The following COL4A4 variants were observed in gnomAD, a reference collection of about 807,000 sequenced individuals.
COL4A4 encodes collagen type IV alpha 4 chain, also known as collagen alpha-4(IV) chain.
COL4A4 carries 105 observed loss-of-function variants against 192.9 expected under a neutral mutation model. The ratio of observed to expected loss-of-function variants is 0.54; its 90% CI spans 0.46 to 0.64. The LOEUF is 0.64. Ranked by LOEUF, COL4A4 falls within the 30% of genes least tolerant of loss-of-function variation. COL4A4 has a pLI of 0.00. For missense variants in COL4A4, 1,967 were observed against 2,169.3 expected (o/e 0.91, Z 1.85); for synonymous variants, 762 against 769.9 (o/e 0.99, Z 0.17).
intron 37 of COL4A4, among the ~76,000 whole-genome samples, chr2:227,039,084 T>G (rs146902881): frequency 3.3e-5 from 5 of 152,340 alleles, no homozygotes; most frequent in African/African-American, 1.2e-4. Flanking sequence ...ACACACTATT[T>G]CATAGCACGG....
At chr2:226,993,807 T>C in the COL4A4 span, among the ~76,000 whole-genome samples, 1 of 152,244 alleles carries the variant, frequency 6.6e-6, no homozygotes, top group Non-Finnish European at 1.5e-5. Context: ...AGCTGTGGAT[T>C]GAAAAGACGG....
intron 35 of COL4A4, among the ~76,000 whole-genome samples, chr2:227,045,801 CATATAT>C (rs771258452): frequency 0.11 from 5,578 of 51,258 alleles, 1,152 homozygotes; most frequent in South Asian, 0.21. Context: ...TATATATACA[CATATAT>C]ATATATATAC....
chr2:227,048,260 A>G (rs1360671164), intron 34 of COL4A4, among the ~76,000 whole-genome samples: 2 of 152,190 alleles, frequency 1.3e-5, no homozygotes, highest in Non-Finnish European at 2.9e-5. Context: ...ACTCCTTTCT[A>G]AAGGAGTTCC....
chr2:227,147,591 GATATAA>G lies in COL4A4; in HGVS notation c.-101-13_-101-8del. The G allele has an allele frequency of 5.6e-6, 5 of 885,462 alleles. No homozygotes were observed. The highest frequency in any genetic ancestry group is 4.9e-5 in the East Asian group (2 of 40,980). 54.9% of individuals were successfully genotyped at this position (885,462 alleles called of 1,614,324 possible). ...TCTGGGTCAAAGTCTGTTCCTGTTA[GATATAA>G]ATATATCACTTAAAACACAGCATGC... On this transcript the variant is annotated splice_polypyrimidine_tract_variant and splice_region_variant and intron_variant, in intron 1 of 47. Transcript: ENST00000396625.
rs1177457103 is a variant in COL4A4, at chr2:227,123,131, G to T, written c.193-1983C>A. Among the ~76,000 whole-genome samples, 1 of 152,174 alleles carries T rather than the reference G, an allele frequency of 6.6e-6. No individual in the cohort carries two copies. Among genetic ancestry groups the T allele is most frequent in the Non-Finnish European group, 1.5e-5 (1 of 68,028 alleles). On this transcript the variant is annotated intron_variant, in intron 4 of 47. Coordinates refer to ENST00000396625, the MANE Select transcript of COL4A4 (RefSeq NM_000092.5). This position sits in a 1 kb window ranked among gnomAD's most constrained non-coding sequence, Gnocchi z 4.6. ...CCGCTTGCCTTCAGCTTCCCAAAGTGCTGGAATTACAGGTGTAAGCCACCA... is the reference window on the plus strand; with the variant it reads ...CCGCTTGCCTTCAGCTTCCCAAAGTTCTGGAATTACAGGTGTAAGCCACCA...
chr2:226,979,147 G>C, the COL4A4 span, among the ~76,000 whole-genome samples: 1 of 152,162 alleles, frequency 6.6e-6, no homozygotes, highest in Non-Finnish European at 1.5e-5. Flanking sequence ...GCAGCCGTCA[G>C]TCTGAGGCCC....
intron 8 of COL4A4, among the ~76,000 whole-genome samples, chr2:227,112,737 C>T (rs1390511102): frequency 1.3e-5 from 2 of 152,206 alleles, no homozygotes; most frequent in African/African-American, 2.4e-5. Flanking sequence ...ATCCCTCTTC[C>T]CTGCAGCCAC....
the COL4A4 span, chr2:226,995,790 A>C: frequency 2.2e-6 from 1 of 456,368 alleles, no homozygotes; most frequent in South Asian, 3.7e-5. Flanking sequence ...CCCATCTCTC[A>C]CTGCTGACTC....
rs1336148521 is a variant in COL4A4, at chr2:227,032,194, G to A, written c.3660C>T (p.Ile1220=). 1.6e-5 allele frequency: 26 copies of A among 1,614,196 alleles called. No homozygotes were observed. Among genetic ancestry groups the A allele is most frequent in the Non-Finnish European group, 2.2e-5 (26 of 1,180,004 alleles). ...GERGDPGSPG[I]SPPGPRGKKG... is the part of the protein sequence containing the mutation. ...TCTTTCCACGAGGACCTGGAGGAGAGATTCCTGGGCTCCCAGGGTCTCCTC... is the reference window on the plus strand; with the variant it reads ...TCTTTCCACGAGGACCTGGAGGAGAAATTCCTGGGCTCCCAGGGTCTCCTC... Residue 1220 remains isoleucine (I), a synonymous_variant, in exon 39 of 48, where the codon ATC becomes ATT. Coordinates refer to ENST00000396625, the MANE Select transcript of COL4A4 (RefSeq NM_000092.5).
rs150596815 is a variant in COL4A4 at position 227,083,952 on chromosome 2, A to G, written c.1624-1765T>C. ...ACAACAGACATAAAAACTCAAATGG[A>G]CAACAGGGTTGGAAGCCATTTCATG... On this transcript the variant is annotated intron_variant, in intron 22 of 47. Transcript: ENST00000396625. Among the ~76,000 whole-genome samples, 142 of 152,330 alleles carry G rather than the reference A, an allele frequency of 9.3e-4. 2 individuals carry two copies. In the East Asian group the frequency reaches 0.022, roughly 24 times the overall value.
At chr2:226,972,207 C>T in the COL4A4 span, among the ~76,000 whole-genome samples, 1 of 152,158 alleles carries the variant, frequency 6.6e-6, no homozygotes, top group Non-Finnish European at 1.5e-5. Flanking sequence ...TGTTAGTTTG[C>T]TGAGAATGAT....
chr2:227,122,188 T>A (rs1166221383), intron 4 of COL4A4, among the ~76,000 whole-genome samples: 1 of 152,180 alleles, frequency 6.6e-6, no homozygotes, highest in African/African-American at 2.4e-5. Context: ...GGTCTGGGCC[T>A]GGCCAAGGCC....
chr2:226,980,350 A>C, the COL4A4 span, among the ~76,000 whole-genome samples: 1 of 152,284 alleles, frequency 6.6e-6, no homozygotes, highest in African/African-American at 2.4e-5. Context: ...CAGCTTTGTA[A>C]GACACCGGTA....
rs183421243 is a variant in COL4A4 at position 227,054,754 on chromosome 2, A to G, written c.2717-17T>C. On this transcript the variant is annotated splice_polypyrimidine_tract_variant and intron_variant, in intron 30 of 47. Transcript: ENST00000396625. ...CCCGGGGTCCTGGTGAAATGAGAGC[A>G]TAAAGTTTTAGGAAAATATTTTATT... 246 of 1,610,754 alleles carry G rather than the reference A, an allele frequency of 1.5e-4. 1 individual carries two copies. The East Asian group carries it at 1.9e-3, about 12-fold the overall frequency.
intron 1 of COL4A4, among the ~76,000 whole-genome samples, chr2:227,150,030 A>G (rs2063822553): frequency 6.6e-6 from 1 of 152,182 alleles, no homozygotes; most frequent in East Asian, 1.9e-4. Flanking sequence ...GTCTTTTTTT[A>G]TTCACAGATG....
chr2:227,133,201 T>C (rs180869503), intron 4 of COL4A4, among the ~76,000 whole-genome samples: 2 of 152,276 alleles, frequency 1.3e-5, no homozygotes, highest in East Asian at 1.9e-4. Context: ...AAAGGCCCTG[T>C]TGCAAATCAC....
At position 227,012,304 on chromosome 2, in the gene COL4A4, A is replaced by G. The variant is rs1275450735; in HGVS notation, c.4217-7T>C. The G allele has an allele frequency of 6.2e-7, 1 of 1,611,436 alleles. No homozygotes were observed. Among genetic ancestry groups the G allele is most frequent in the East Asian group, 2.2e-5 (1 of 44,858 alleles). On this transcript the variant is annotated splice_region_variant and splice_polypyrimidine_tract_variant and intron_variant, in intron 44 of 47. Coordinates refer to ENST00000396625, the MANE Select transcript of COL4A4 (RefSeq NM_000092.5). ...CCAGGCTCTCCTTTGCACCCTGCAC[A>G]AAAGTTTATGATGCTGGTGGTGAAA...
chr2:227,015,479 T>G (rs1189801817), intron 44 of COL4A4, among the ~76,000 whole-genome samples: 2 of 152,152 alleles, frequency 1.3e-5, no homozygotes, highest in Non-Finnish European at 2.9e-5. Flanking sequence ...TGATGGTTCA[T>G]GAAGCTCGAG....
chr2:227,042,037 A>C (rs996100665), intron 37 of COL4A4, 111 bp downstream of exon 37: 3 of 783,770 alleles, frequency 3.8e-6, no homozygotes, highest in Non-Finnish European at 7.0e-6. Flanking sequence ...CCTACGGAAA[A>C]GAGTGGTATA....
Sources: gnomAD v4.1 joint callset for allele counts (sites outside exome capture counted in the v4.1 genomes callset) on GRCh38, gnomAD v4.1.1 for gene constraint, Gnocchi (gnomAD v3.1) non-coding constraint, MANE v1.5 for transcripts, NCBI Gene and HGNC (gene_info 2026-07-23, HGNC 2026-07-21) for gene names.